Variants in TTC28 observed in about 807,000 individuals in gnomAD.
The protein encoded by TTC28 is tetratricopeptide repeat domain 28.
A neutral mutation model predicts 198.0 loss-of-function variants in TTC28; 61 were observed. That is an observed-to-expected ratio of 0.31 (90% CI 0.25 to 0.38). TTC28 has a LOEUF of 0.38. Ranked by LOEUF, TTC28 falls within the 10% of genes least tolerant of loss-of-function variation. The probability of loss-of-function intolerance (pLI) is 1.00; values close to 1 mark genes in which losing one functional copy is unlikely to be tolerated. For synonymous variants in TTC28, 1,171 were observed against 1,297.8 expected (o/e 0.90, Z 2.10); for missense variants, 2,678 against 3,164.0 (o/e 0.85, Z 3.69).
At chr22:28,672,839 C>A (rs1443740541) in intron 1 of TTC28, among the ~76,000 whole-genome samples, 1 of 152,182 alleles carries the variant, frequency 6.6e-6, no homozygotes. Flanking sequence ...AGAAAAAACC[C>A]TTTTTCATCA....
intron 2 of TTC28, among the ~76,000 whole-genome samples, chr22:28,423,096 G>A (rs1251676501): frequency 6.6e-6 from 1 of 152,016 alleles, no homozygotes; most frequent in Non-Finnish European, 1.5e-5. Context: ...AAAGATCTCT[G>A]GACAATTCTA....
intron 1 of TTC28, among the ~76,000 whole-genome samples, chr22:28,658,742 A>T (rs1172164852): frequency 2.0e-5 from 3 of 152,236 alleles, no homozygotes; most frequent in African/African-American, 7.2e-5. Flanking sequence ...CATGCCTGTA[A>T]TGCCAGCACT....
At chr22:28,651,225 C>T (rs2146261900) in intron 1 of TTC28, among the ~76,000 whole-genome samples, 1 of 152,324 alleles carries the variant, frequency 6.6e-6, no homozygotes, top group South Asian at 2.1e-4. Context: ...TGTCGAACTC[C>T]TGTCCTCAAG....
rs546682467 is a variant in TTC28 at position 28,459,941 on chromosome 22, G to A, written c.382-153298C>T. On this transcript the variant is annotated intron_variant, in intron 2 of 22. Coordinates refer to ENST00000397906, the MANE Select transcript of TTC28 (RefSeq NM_001145418.2). The stretch of plus-strand genomic sequence containing the variant: ...GGCTGTCCTGCGGAGAGAGAATGGG[G>A]AGCCAGGGAAACATATTCACTGAGA... 3.3e-5 allele frequency: 5 copies of A among 152,232 alleles called. No homozygotes were observed. In the South Asian group the frequency reaches 1.0e-3, roughly 32 times the overall value. 9.4% of individuals were successfully genotyped at this position (152,232 alleles called of 1,614,324 possible). A position where few individuals can be genotyped will look rare whatever the true frequency, so the allele number is the denominator to read the frequency against.
chr22:28,026,307 G>A (rs1037598478), intron 13 of TTC28, among the ~76,000 whole-genome samples: 55 of 152,132 alleles, frequency 3.6e-4, no homozygotes, highest in African/African-American at 1.3e-3. Context: ...ATAACATGCG[G>A]TTGAGGTCCC....
At chr22:28,465,102 G>A (rs1226210214) in intron 2 of TTC28, among the ~76,000 whole-genome samples, 1 of 152,076 alleles carries the variant, frequency 6.6e-6, no homozygotes, top group East Asian at 1.9e-4. Context: ...ACATTTTCTG[G>A]TTACTAACTT....
chr22:27,989,870 C>G lies in TTC28; in HGVS notation c.5707+8G>C. The G allele has an allele frequency of 6.5e-7, 1 of 1,548,320 alleles. No individual in the cohort carries two copies. Among genetic ancestry groups the G allele is most frequent in the African/African-American group, 1.4e-5 (1 of 73,130 alleles). On this transcript the variant is annotated splice_region_variant and intron_variant, in intron 21 of 22. Transcript: ENST00000397906. ...AGAACCCATTTAAGTCAAGGATTCT[C>G]TGCCTACCTAGAGCTGCCAGGAACT... is the stretch of plus-strand genomic sequence containing the variant.
intron 3 of TTC28, among the ~76,000 whole-genome samples, chr22:28,302,753 C>A (rs1040831395): frequency 1.3e-5 from 2 of 152,148 alleles, no homozygotes; most frequent in Non-Finnish European, 2.9e-5. Context: ...CAGCTCGCTG[C>A]AACCTCCGCC....
chr22:28,351,591 T>C (rs1049406324), intron 2 of TTC28, among the ~76,000 whole-genome samples: 2 of 152,180 alleles, frequency 1.3e-5, no homozygotes, highest in Non-Finnish European at 2.9e-5. Flanking sequence ...AATTTATTCC[T>C]GTGTCAATAT....
At chr22:28,657,276 A>T (rs2051674353) in intron 1 of TTC28, among the ~76,000 whole-genome samples, 1 of 152,208 alleles carries the variant, frequency 6.6e-6, no homozygotes, top group Non-Finnish European at 1.5e-5. Context: ...AACCTTCTCT[A>T]AATCTAAAGT....
At chr22:27,999,901 T>C (rs949547255) in intron 15 of TTC28, 4 of 152,212 alleles carry the variant, frequency 2.6e-5, no homozygotes, top group Non-Finnish European at 5.9e-5. Flanking sequence ...TATGAAGTTA[T>C]TTCAAAATAA....
chr22:28,080,044 T>G (rs189055062), intron 12 of TTC28, among the ~76,000 whole-genome samples: 1 of 152,194 alleles, frequency 6.6e-6, no homozygotes, highest in African/African-American at 2.4e-5. Flanking sequence ...TCTTCTTTTT[T>G]AAGGCTGAGT....
At chr22:28,595,945 G>T (rs2050534102) in intron 2 of TTC28, among the ~76,000 whole-genome samples, 1 of 152,010 alleles carries the variant, frequency 6.6e-6, no homozygotes. Flanking sequence ...TAACATGTAA[G>T]TCACTGTTCT....
At chr22:28,363,158 G>A (rs1028637201) in intron 2 of TTC28, among the ~76,000 whole-genome samples, 1 of 152,184 alleles carries the variant, frequency 6.6e-6, no homozygotes, top group Non-Finnish European at 1.5e-5. Context: ...GGTTTAGGAG[G>A]AAGAAATGGT....
chr22:27,992,925 C>T (rs1937467139), intron 18 of TTC28: 1 of 542,828 alleles, frequency 1.8e-6, no homozygotes, highest in Non-Finnish European at 3.3e-6. Context: ...GCAGCACCAC[C>T]CCTAGTCAAG....
chr22:27,989,907 G>A lies in TTC28; in HGVS notation c.5678C>T (p.Pro1893Leu), dbSNP rs758972994. ...VSISVQLWRL[P>L]GCHEFLAALG... The stretch of plus-strand genomic sequence containing the variant: ...AGCTGCCAGGAACTCGTGGCATCCC[G>A]GGAGCCGCCACAGCTGGACGCTGAT... Residue 1893 changes from proline to leucine, a missense_variant, in exon 21 of 23, where the codon CCG becomes CTG. Physicochemically the swap from Pro to Leu is moderately conservative, Grantham distance 98. Transcript: ENST00000397906. 64 of 1,551,062 alleles carry A rather than the reference G, an allele frequency of 4.1e-5. 1 individual carries two copies. The highest frequency in any genetic ancestry group is 4.8e-5 in the South Asian group (4 of 84,028).
At chr22:28,380,245 G>C (rs1401635142) in intron 2 of TTC28, among the ~76,000 whole-genome samples, 1 of 151,972 alleles carries the variant, frequency 6.6e-6, no homozygotes, top group African/African-American at 2.4e-5. Flanking sequence ...TCCAAGATGA[G>C]CACATTTTAG....
At chr22:28,083,797 C>T (rs1328503766) in intron 12 of TTC28, among the ~76,000 whole-genome samples, 2 of 152,192 alleles carry the variant, frequency 1.3e-5, no homozygotes, top group Non-Finnish European at 2.9e-5. Context: ...CCTGGAAAAT[C>T]GGGTCACTCC....
In TTC28 at chr22:28,615,935, A is replaced by G. The variant is rs181017854; in HGVS notation, c.381+13617T>C. 7.3e-4 allele frequency among the ~76,000 whole-genome samples: 111 copies of G among 152,314 alleles called. 1 individual carries two copies. The highest frequency in any genetic ancestry group is 6.8e-3 in the Admixed American group (104 of 15,290). On this transcript the variant is annotated intron_variant, in intron 2 of 22. Coordinates refer to ENST00000397906, the MANE Select transcript of TTC28 (RefSeq NM_001145418.2). ...ATTCTGCACATGTACCCCAGAGCTT[A>G]AAGTGTAATTTTAAAAAATTCACTA... is the stretch of plus-strand genomic sequence containing the variant.
Sources: allele counts gnomAD v4.1 joint callset (sites outside exome capture counted in the v4.1 genomes callset), GRCh38; gene constraint gnomAD v4.1.1; transcripts MANE v1.5; gene names NCBI Gene and HGNC (gene_info 2026-07-23, HGNC 2026-07-21).